Variants in ITGB6 observed in about 807,000 individuals in gnomAD.
The protein encoded by ITGB6 is integrin beta-6.
In ITGB6, 80 loss-of-function variants were observed where a neutral mutation model predicts 84.5. The observed-to-expected ratio is 0.95, with a 90% confidence interval of 0.79 to 1.14. ITGB6 has a LOEUF of 1.14. ITGB6 is among the 50% of genes most tolerant of loss of function. The pLI, the probability that ITGB6 is intolerant of heterozygous loss-of-function variation, is 0.00. For synonymous variants in ITGB6, 383 were observed against 354.9 expected, an observed-to-expected ratio of 1.08 and a Z score of -0.89; for missense variants, 1,006 against 968.0, an observed-to-expected ratio of 1.04 and a Z score of -0.52.
chr2:160,150,725 ATG>A lies in ITGB6; in HGVS notation c.1018-8656_1018-8655del, dbSNP rs879842854. ...CAGGAGACACATTTCACGTGCAAAGATGCATATAGGCTCAAAATAAAGGGATG... is the reference window on the plus strand; with the variant it reads ...CAGGAGACACATTTCACGTGCAAAGACATATAGGCTCAAAATAAAGGGATG... On this transcript the variant is annotated intron_variant, in intron 7 of 14. Coordinates refer to ENST00000283249, the MANE Select transcript of ITGB6 (RefSeq NM_000888.5). 7.1e-4 allele frequency among the ~76,000 whole-genome samples: 108 copies of A among 152,322 alleles called. 1 individual carries two copies. The highest frequency in any genetic ancestry group is 8.3e-4 in the South Asian group (4 of 4,820).
At chr2:160,126,732 A>T in intron 10 of ITGB6, 131 bp from the exon 11 acceptor site, 2 of 802,894 alleles carry the variant, frequency 2.5e-6, no homozygotes, top group East Asian at 5.2e-5. Context: ...GAAAAAAAGT[A>T]TGTGTGTGAG....
chr2:160,120,579 A>T, intron 12 of ITGB6, among the ~76,000 whole-genome samples: 1 of 57,772 alleles, frequency 1.7e-5, no homozygotes, highest in African/African-American at 6.8e-5. Context: ...ATGACACGTT[A>T]GTGGGTGCAG....
chr2:160,126,837 C>A (rs996326248), intron 10 of ITGB6, among the ~76,000 whole-genome samples: 2 of 152,200 alleles, frequency 1.3e-5, no homozygotes, highest in Non-Finnish European at 2.9e-5. Flanking sequence ...CACTTGCTTA[C>A]TTTATGTTTG....
chr2:160,179,641 C>G (rs750739143), intron 4 of ITGB6, among the ~76,000 whole-genome samples: 7 of 151,346 alleles, frequency 4.6e-5, no homozygotes, highest in Non-Finnish European at 7.4e-5. Flanking sequence ...GATCTGCCCA[C>G]CTCGGCCTCC....
intron 7 of ITGB6, among the ~76,000 whole-genome samples, chr2:160,158,906 C>T (rs1684722156): frequency 6.6e-6 from 1 of 152,080 alleles, no homozygotes; most frequent in South Asian, 2.1e-4. Context: ...CGAGGCCATC[C>T]TGGCCAATAT....
intron 4 of ITGB6, among the ~76,000 whole-genome samples, chr2:160,190,567 A>T (rs957798509): frequency 1.2e-4 from 19 of 152,208 alleles, no homozygotes; most frequent in African/African-American, 4.3e-4. Context: ...CTACTTGAGA[A>T]CTGGGACCAG....
intron 12 of ITGB6, among the ~76,000 whole-genome samples, chr2:160,121,917 A>G (rs1252526960): frequency 2.6e-5 from 4 of 151,090 alleles, no homozygotes; most frequent in Admixed American, 6.6e-5. Context: ...GGGGAGTAAA[A>G]TACTCCCCAG....
chr2:160,171,379 G>C (rs1192378175), intron 6 of ITGB6, among the ~76,000 whole-genome samples: 2 of 143,802 alleles, frequency 1.4e-5, no homozygotes, highest in Non-Finnish European at 3.0e-5. Flanking sequence ...CTGTCGCCCA[G>C]GCTAGAGTGC....
intron 7 of ITGB6, among the ~76,000 whole-genome samples, chr2:160,166,103 G>A (rs1684990859): frequency 6.6e-6 from 1 of 152,186 alleles, no homozygotes; most frequent in African/African-American, 2.4e-5. Flanking sequence ...TAATGATTGA[G>A]GGTTTTTTGT....
chr2:160,170,525 G>A (rs1193712569), intron 6 of ITGB6, among the ~76,000 whole-genome samples: 1 of 152,144 alleles, frequency 6.6e-6, no homozygotes, highest in Non-Finnish European at 1.5e-5. Flanking sequence ...CTTAGCTGCT[G>A]TGTGTGTGTA....
chr2:160,148,181 G>A (rs1684271125), intron 7 of ITGB6, among the ~76,000 whole-genome samples: 1 of 152,152 alleles, frequency 6.6e-6, no homozygotes, highest in Non-Finnish European at 1.5e-5. Context: ...AAGATACAGA[G>A]ATGGCAAATA....
chr2:160,135,086 A>G (rs1332072416), intron 10 of ITGB6, among the ~76,000 whole-genome samples: 2 of 151,954 alleles, frequency 1.3e-5, no homozygotes, highest in Admixed American at 6.6e-5. Context: ...AATAAAGGGT[A>G]TTCAATTAGG....
chr2:160,123,057 C>A (rs1187186540), intron 12 of ITGB6, among the ~76,000 whole-genome samples: 2 of 152,160 alleles, frequency 1.3e-5, no homozygotes, highest in Non-Finnish European at 2.9e-5. Flanking sequence ...CAGTCATCAT[C>A]TTTGTTTTAA....
chr2:160,130,947 C>T (rs1033304611), intron 10 of ITGB6, among the ~76,000 whole-genome samples: 8 of 152,150 alleles, frequency 5.3e-5, no homozygotes, highest in African/African-American at 9.7e-5. Context: ...GGCAAAAACA[C>T]GGAGCTCCTC....
rs768810293 is a variant in ITGB6 at position 160,172,740 on chromosome 2, GA to G, written c.760-11del. The G allele has an allele frequency of 6.3e-6, 10 of 1,587,426 alleles. No individual in the cohort carries two copies. The highest frequency in any genetic ancestry group is 6.9e-6 in the Non-Finnish European group (8 of 1,157,514). ...GCCAGCCAATTTTTTCCTACAGTGAGAAAGAAACATTTGTGTGATATTGGAG... is the reference window on the plus strand; with the variant it reads ...GCCAGCCAATTTTTTCCTACAGTGAGAAGAAACATTTGTGTGATATTGGAG... On this transcript the variant is annotated splice_polypyrimidine_tract_variant and intron_variant, in intron 5 of 14. Coordinates refer to ENST00000283249, the MANE Select transcript of ITGB6 (RefSeq NM_000888.5).
chr2:160,137,949 G>GA (rs1294172158), intron 9 of ITGB6, 98 bp from the exon 10 acceptor site: 1 of 1,522,848 alleles, frequency 6.6e-7, no homozygotes, highest in Non-Finnish European at 8.9e-7. Context: ...GCATTTACTA[G>GA]AAAATCTTTG....
chr2:160,109,160 A>G (rs984063692), intron 13 of ITGB6, among the ~76,000 whole-genome samples: 3 of 152,200 alleles, frequency 2.0e-5, no homozygotes, highest in African/African-American at 7.2e-5. Context: ...GGGGCTAATT[A>G]CCCACTAACA....
At chr2:160,139,611 A>G (rs1683914058) in intron 8 of ITGB6, among the ~76,000 whole-genome samples, 1 of 152,208 alleles carries the variant, frequency 6.6e-6, no homozygotes, top group Non-Finnish European at 1.5e-5. Flanking sequence ...ATCTGACCTA[A>G]ATAAAGGAAA....
At chr2:160,139,700 C>T (rs1033613347) in intron 8 of ITGB6, among the ~76,000 whole-genome samples, 2 of 152,122 alleles carry the variant, frequency 1.3e-5, no homozygotes, top group African/African-American at 4.8e-5. Flanking sequence ...AAGGAAAGGA[C>T]ATAAACACTT....
Sources: allele counts gnomAD v4.1 joint callset (sites outside exome capture counted in the v4.1 genomes callset), GRCh38; gene constraint gnomAD v4.1.1; transcripts MANE v1.5; gene names NCBI Gene and HGNC (gene_info 2026-07-23, HGNC 2026-07-21).